ADCY2: variants seen among roughly 807,000 people sequenced by gnomAD.
ADCY2 encodes adenylate cyclase type 2.
A neutral mutation model predicts 125.2 loss-of-function variants in ADCY2; 31 were observed. The ratio of observed to expected loss-of-function variants is 0.25; its 90% CI spans 0.19 to 0.33. The LOEUF (loss-of-function observed/expected upper bound fraction) is 0.33. Among genes scored for constraint, ADCY2 ranks in the 10% least tolerant of loss-of-function variants. The pLI is 1.00. For missense variants in ADCY2, 904 were observed against 1,418.2 expected (o/e 0.64, Z 5.82); for synonymous variants, 512 against 548.4 (o/e 0.93, Z 0.93).
chr5:7,538,220 G>A (rs1734883995), intron 3 of ADCY2, among the ~76,000 whole-genome samples: 1 of 152,112 alleles, frequency 6.6e-6, no homozygotes, highest in Non-Finnish European at 1.5e-5. Context: ...TTCAAAGATA[G>A]CATGATCCAT....
At chr5:7,791,991 G>T (rs1404080637) in intron 20 of ADCY2, among the ~76,000 whole-genome samples, 1 of 151,974 alleles carries the variant, frequency 6.6e-6, no homozygotes, top group Non-Finnish European at 1.5e-5. Context: ...GGCTCCAAGG[G>T]GCTACTTTTC....
chr5:7,788,144 T>A (rs1213568558), intron 19 of ADCY2, among the ~76,000 whole-genome samples: 1 of 152,198 alleles, frequency 6.6e-6, no homozygotes, highest in Non-Finnish European at 1.5e-5. Context: ...GGCATGAACG[T>A]GAAACTTTAA....
chr5:7,532,990 G>A (rs1734698719), intron 3 of ADCY2, among the ~76,000 whole-genome samples: 1 of 150,242 alleles, frequency 6.7e-6, no homozygotes, highest in African/African-American at 2.4e-5. Context: ...ATGTAAATAT[G>A]TGTATATAAA....
At chr5:7,543,476 T>C (rs1247609181) in intron 3 of ADCY2, among the ~76,000 whole-genome samples, 1 of 152,190 alleles carries the variant, frequency 6.6e-6, no homozygotes, top group South Asian at 2.1e-4. Context: ...CTAAATTTTA[T>C]TTTCACTCTA....
chr5:7,679,271 G>A (rs1487361064), intron 4 of ADCY2, among the ~76,000 whole-genome samples: 2 of 152,068 alleles, frequency 1.3e-5, no homozygotes, highest in Non-Finnish European at 2.9e-5. Flanking sequence ...TCCAGGTCCC[G>A]GGGGAGCGTG....
chr5:7,480,344 A>G (rs1422313970), intron 2 of ADCY2, among the ~76,000 whole-genome samples: 1 of 152,236 alleles, frequency 6.6e-6, no homozygotes, highest in Non-Finnish European at 1.5e-5. Flanking sequence ...AAGACACTGA[A>G]TCAACCTAAA....
rs141974063 is a variant in ADCY2, at chr5:7,575,223, A to G, written c.571-50944A>G. Reference sequence around the variant, plus strand: ...AGAAAAATGTCTGCATTTTAATATAATCTTTGGAAGGATGCACATTGAAAT... The same window carrying G: ...AGAAAAATGTCTGCATTTTAATATAGTCTTTGGAAGGATGCACATTGAAAT... On this transcript the variant is annotated intron_variant, in intron 3 of 24. Transcript: ENST00000338316. Among the ~76,000 whole-genome samples, 109 of 152,254 alleles carry G rather than the reference A, an allele frequency of 7.2e-4. No homozygotes were observed. The East Asian group carries it at 0.019, about 26-fold the overall frequency.
intron 3 of ADCY2, among the ~76,000 whole-genome samples, chr5:7,567,090 T>C (rs1201010605): frequency 2.0e-5 from 3 of 152,244 alleles, no homozygotes; most frequent in African/African-American, 4.8e-5. Flanking sequence ...ACAATCATGA[T>C]GTAAATATAA....
At chr5:7,661,827 A>T (rs1196521257) in intron 4 of ADCY2, among the ~76,000 whole-genome samples, 1 of 152,316 alleles carries the variant, frequency 6.6e-6, no homozygotes, top group Admixed American at 6.5e-5. Context: ...GAATTTAAAC[A>T]TTCTTTTCCT....
chr5:7,398,716 A>G (rs1739150215), intron 1 of ADCY2, among the ~76,000 whole-genome samples: 1 of 152,230 alleles, frequency 6.6e-6, no homozygotes, highest in Admixed American at 6.5e-5. Flanking sequence ...TCAGTCTGAT[A>G]GAAAAGCCAC....
intron 3 of ADCY2, among the ~76,000 whole-genome samples, chr5:7,621,636 C>T (rs1561129515): frequency 6.6e-6 from 1 of 152,198 alleles, no homozygotes; most frequent in South Asian, 2.1e-4. Context: ...TTGCGCTGCT[C>T]TCTGTACTCT....
At chr5:7,573,593 C>CTT (rs763347773) in intron 3 of ADCY2, among the ~76,000 whole-genome samples, 1,689 of 86,152 alleles carry the variant, frequency 0.02, 57 homozygotes, top group African/African-American at 0.05. Flanking sequence ...GGTTGATTTT[C>CTT]TTTTTTTTTT....
chr5:7,577,089 G>A (rs1207611890), intron 3 of ADCY2, among the ~76,000 whole-genome samples: 3 of 152,032 alleles, frequency 2.0e-5, no homozygotes, highest in East Asian at 1.9e-4. Flanking sequence ...TTTGTGATAC[G>A]AAGATTGTTA....
chr5:7,439,476 T>G (rs747049502), intron 2 of ADCY2, among the ~76,000 whole-genome samples: 1 of 151,890 alleles, frequency 6.6e-6, no homozygotes, highest in Non-Finnish European at 1.5e-5. Context: ...ACATGGGGAT[T>G]ATTACAACTC....
intron 14 of ADCY2, 26 bp downstream of exon 14, chr5:7,727,287 A>G: frequency 6.3e-7 from 1 of 1,592,270 alleles, no homozygotes; most frequent in Non-Finnish European, 8.6e-7. Context: ...TTCCACTGGG[A>G]TTCTCACCTG....
intron 6 of ADCY2, among the ~76,000 whole-genome samples, chr5:7,696,109 TC>T (rs1740883342): frequency 6.6e-6 from 1 of 152,220 alleles, no homozygotes; most frequent in African/African-American, 2.4e-5. Context: ...TATGTATAAT[TC>T]AGCACACATA....
intron 5 of ADCY2, 75 bp from the exon 6 acceptor site, chr5:7,695,677 G>A (rs2126321434): frequency 3.4e-6 from 3 of 876,238 alleles, no homozygotes; most frequent in Admixed American, 3.3e-5. Context: ...GATTTTAATG[G>A]AAAAATTATT....
At chr5:7,776,657 C>T (rs1004457563) in intron 18 of ADCY2, among the ~76,000 whole-genome samples, 2 of 152,116 alleles carry the variant, frequency 1.3e-5, no homozygotes, top group Admixed American at 1.3e-4. Flanking sequence ...AGAAGACTGA[C>T]ATTTGAGTCG....
At chr5:7,442,009 C>G (rs1741034463) in intron 2 of ADCY2, among the ~76,000 whole-genome samples, 1 of 152,140 alleles carries the variant, frequency 6.6e-6, no homozygotes, top group African/African-American at 2.4e-5. Context: ...TGGTATAGGT[C>G]CTATTGATTC....
Sources: gnomAD v4.1 joint callset for allele counts (sites outside exome capture counted in the v4.1 genomes callset) on GRCh38, gnomAD v4.1.1 for gene constraint, MANE v1.5 for transcripts, NCBI Gene and HGNC (gene_info 2026-07-23, HGNC 2026-07-21) for gene names.